Variants in AMPH observed in about 807,000 individuals in gnomAD.
AMPH encodes amphiphysin (Stiff-Mann syndrome with breast cancer 128kD autoantigen).
Under a neutral mutation model 99.1 loss-of-function variants are expected in AMPH, and 49 were observed. That is an observed-to-expected ratio of 0.49 (90% CI 0.39 to 0.63). AMPH has a LOEUF of 0.63. Ranked by LOEUF, AMPH falls within the 20% of genes least tolerant of loss-of-function variation. AMPH has a pLI of 0.00. For missense variants in AMPH, 759 were observed against 863.4 expected (o/e 0.88, Z 1.52); for synonymous variants, 314 against 317.3 (o/e 0.99, Z 0.11).
intron 2 of AMPH, among the ~76,000 whole-genome samples, chr7:38,520,175 A>G (rs139363242): frequency 1.3e-3 from 193 of 152,322 alleles, no homozygotes; most frequent in African/African-American, 4.6e-3. Context: ...ATTATGATTT[A>G]TATGGCCTAA....
chr7:38,415,542 C>T (rs73348869), intron 17 of AMPH, among the ~76,000 whole-genome samples: 3,466 of 152,122 alleles, frequency 0.023, 114 homozygotes, highest in African/African-American at 0.079. Context: ...TTATTATGAC[C>T]GGAAGGAAGA....
Position 38,463,044 on chromosome 7 carries a change from CGGG to C in AMPH, c.816_818del (p.Ser272_Pro273delinsArg). ...CTAATGTATGATTTGGACTTGCTGTCGGGCTCGGGAGGGGTGAAGGCTCCTCAG... is the reference window on the plus strand; with the variant it reads ...CTAATGTATGATTTGGACTTGCTGTCCTCGGGAGGGGTGAAGGCTCCTCAG... On this transcript the variant is annotated inframe_deletion, in exon 10 of 21. Coordinates refer to ENST00000356264, the MANE Select transcript of AMPH (RefSeq NM_001635.4). 6.2e-7 allele frequency: 1 copy of C among 1,610,960 alleles called. No homozygotes were observed. Among genetic ancestry groups the C allele is most frequent in the Middle Eastern group, 1.8e-4 (1 of 5,516 alleles).
intron 7 of AMPH, among the ~76,000 whole-genome samples, chr7:38,467,831 G>C (rs1364423859): frequency 6.6e-6 from 1 of 152,118 alleles, no homozygotes; most frequent in Non-Finnish European, 1.5e-5. Context: ...AGAGAGGAGA[G>C]CAATGGGCCC....
intron 5 of AMPH, among the ~76,000 whole-genome samples, chr7:38,480,461 C>T (rs1397703966): frequency 6.6e-6 from 1 of 152,126 alleles, no homozygotes; most frequent in Non-Finnish European, 1.5e-5. Context: ...CCAACAGCTC[C>T]CACCATTTCT....
intron 2 of AMPH, among the ~76,000 whole-genome samples, chr7:38,528,440 A>G (rs1346568788): frequency 2.0e-5 from 3 of 152,078 alleles, no homozygotes; most frequent in Admixed American, 2.0e-4. Context: ...CAAATTGTCT[A>G]TTTCACCTTG....
intron 12 of AMPH, among the ~76,000 whole-genome samples, chr7:38,433,874 C>T (rs374814400): frequency 5.9e-5 from 9 of 151,998 alleles, no homozygotes; most frequent in Admixed American, 3.3e-4. Context: ...TGAAAGGATG[C>T]GTTAGCGTGC....
At chr7:38,423,170 G>T (rs1785653596) in intron 15 of AMPH, among the ~76,000 whole-genome samples, 1 of 152,126 alleles carries the variant, frequency 6.6e-6, no homozygotes, top group Non-Finnish European at 1.5e-5. Flanking sequence ...TAAATGTTGT[G>T]AATTCAATCT....
At chr7:38,447,926 C>G (rs536539403) in intron 11 of AMPH, among the ~76,000 whole-genome samples, 1 of 152,000 alleles carries the variant, frequency 6.6e-6, no homozygotes, top group Non-Finnish European at 1.5e-5. Flanking sequence ...TTACTATATC[C>G]TAAGTATTGT....
rs1562721753 is a variant in AMPH at position 38,391,849 on chromosome 7, C to G, written c.1777G>C (p.Asp593His). ...GGTGCAGAAGGCGTGGGCTGAGGGT[C>G]CTGGATAGGCTTCTGCTCCGTAGCC... ...ELATEQKPIQ[D>H]PQPTPSAPAM... Residue 593 changes from aspartate to histidine, a missense_variant, in exon 19 of 21, where the codon GAC becomes CAC. By Grantham distance (81) the Asp-to-His change is moderately conservative (BLOSUM62 -1). Coordinates refer to ENST00000356264, the MANE Select transcript of AMPH (RefSeq NM_001635.4). 6.2e-7 allele frequency: 1 copy of G among 1,613,040 alleles called. No homozygotes were observed.
intron 1 of AMPH, among the ~76,000 whole-genome samples, chr7:38,559,352 T>C (rs113956336): frequency 3.3e-5 from 5 of 152,358 alleles, no homozygotes; most frequent in African/African-American, 1.2e-4. Context: ...GGTGTAAATC[T>C]AATTTTTAGG....
chr7:38,624,369 C>G (rs1562868377), intron 1 of AMPH, among the ~76,000 whole-genome samples: 2 of 151,312 alleles, frequency 1.3e-5, no homozygotes, highest in African/African-American at 2.4e-5. Context: ...GTCTAACTCC[C>G]TTATTATTAT....
Position 38,402,852 on chromosome 7 carries a change from A to C in AMPH, c.1399-8638T>G, listed in dbSNP as rs1784879986. Among the ~76,000 whole-genome samples, 3 of 152,154 alleles carry C rather than the reference A, an allele frequency of 2.0e-5. No individual in the cohort carries two copies. The South Asian group carries it at 6.2e-4, about 32-fold the overall frequency. On this transcript the variant is annotated intron_variant, in intron 17 of 20. Transcript: ENST00000356264. ...TAACATTTCTAGAATATACTTTTGA[A>C]ATGTTGACTTTCTTTTTCTATATGC...
chr7:38,569,084 A>G (rs964263620), intron 1 of AMPH, among the ~76,000 whole-genome samples: 12 of 152,222 alleles, frequency 7.9e-5, no homozygotes, highest in Non-Finnish European at 1.8e-4. Flanking sequence ...TAGAAGCTAC[A>G]TGTTTTAACA....
In AMPH at chr7:38,572,030, C is replaced by T. The variant is rs180754017; in HGVS notation, c.70-37019G>A. ...AAGTGATTCTCCTGCCTCAGCCTCCCAAGTAGCTGGGATTACAGGCATGTG... is the reference window on the plus strand; with the variant it reads ...AAGTGATTCTCCTGCCTCAGCCTCCTAAGTAGCTGGGATTACAGGCATGTG... On this transcript the variant is annotated intron_variant, in intron 1 of 20. Transcript: ENST00000356264. 8.4e-3 allele frequency among the ~76,000 whole-genome samples: 1,283 copies of T among 152,076 alleles called. 14 individuals carry two copies. The highest frequency in any genetic ancestry group is 0.017 in the Middle Eastern group (5 of 294).
intron 1 of AMPH, among the ~76,000 whole-genome samples, chr7:38,574,785 G>A (rs541081125): frequency 2.6e-5 from 4 of 152,100 alleles, no homozygotes; most frequent in East Asian, 1.9e-4. Flanking sequence ...GCCAGGCGCC[G>A]TGGCTCACAC....
intron 5 of AMPH, among the ~76,000 whole-genome samples, chr7:38,477,771 G>A: frequency 6.6e-6 from 1 of 151,936 alleles, no homozygotes; most frequent in Non-Finnish European, 1.5e-5. Flanking sequence ...CTACCCACAG[G>A]TGCAAGCAAA....
chr7:38,543,470 A>C (rs1188585614), intron 1 of AMPH, among the ~76,000 whole-genome samples: 1 of 152,132 alleles, frequency 6.6e-6, no homozygotes, highest in Non-Finnish European at 1.5e-5. Flanking sequence ...CTCTTATAAA[A>C]AATGCCCACT....
chr7:38,627,471 C>T (rs772776924), intron 1 of AMPH, among the ~76,000 whole-genome samples: 85 of 150,464 alleles, frequency 5.6e-4, no homozygotes, highest in East Asian at 2.0e-4. Flanking sequence ...CTGGCTAACA[C>T]GGTGAAACCC....
At chr7:38,570,905 T>A (rs1479138698) in intron 1 of AMPH, among the ~76,000 whole-genome samples, 2 of 108,480 alleles carry the variant, frequency 1.8e-5, no homozygotes, top group African/African-American at 7.3e-5. Flanking sequence ...TGTGTGTGCG[T>A]CTCAGTTTTT....
Sources: gnomAD v4.1 joint callset for allele counts (sites outside exome capture counted in the v4.1 genomes callset) on GRCh38, gnomAD v4.1.1 for gene constraint, MANE v1.5 for transcripts, NCBI Gene and HGNC (gene_info 2026-07-23, HGNC 2026-07-21) for gene names.